SRPRA: variants seen among roughly 807,000 people sequenced by gnomAD.
SRPRA encodes the protein SRP receptor subunit alpha, also known as signal recognition particle receptor subunit alpha.
Under a neutral mutation model 61.1 loss-of-function variants are expected in SRPRA, and 30 were observed. The observed-to-expected ratio is 0.49, with a 90% CI of 0.37 to 0.67. SRPRA has a LOEUF of 0.67. Among genes scored for constraint, SRPRA ranks in the 30% least tolerant of loss-of-function variants. The pLI, the probability that SRPRA is intolerant of heterozygous loss-of-function variation, is 0.00. For synonymous variants in SRPRA, 324 were observed against 299.7 expected (o/e 1.08, Z -0.84); for missense variants, 759 against 828.4 (o/e 0.92, Z 1.03).
chr11:126,249,746 A>AG, the SRPRA span, among the ~76,000 whole-genome samples: 2 of 150,216 alleles, frequency 1.3e-5, no homozygotes, highest in East Asian at 2.0e-4. Context: ...AAAAAAAAAA[A>AG]AAAAAAAAGA....
chr11:126,262,266 T>A, downstream of SRPRA: 1 of 910,194 alleles, frequency 1.1e-6, no homozygotes, highest in Non-Finnish European at 1.8e-6. Flanking sequence ...AAGGGCGGGG[T>A]AGAAGAGGGG....
intron 4 of SRPRA, 75 bp from the exon 5 acceptor site, chr11:126,266,997 A>C (rs1950822578): frequency 5.1e-6 from 8 of 1,557,394 alleles, no homozygotes; most frequent in Non-Finnish European, 6.9e-6. Context: ...AAGTCTTCCA[A>C]ATTGTTCAAA....
chr11:126,252,600 G>A, the SRPRA span, among the ~76,000 whole-genome samples: 2 of 152,036 alleles, frequency 1.3e-5, no homozygotes, highest in Non-Finnish European at 2.9e-5. The surrounding 1 kb of genome is among the most constrained non-coding windows in gnomAD (Gnocchi z 4.7). Flanking sequence ...AAAATTAGCC[G>A]GGCATGGTGG....
At position 126,263,814 on chromosome 11, in the gene SRPRA, CT is replaced by C; in HGVS notation, c.*101del. 23 of 1,519,274 alleles carry C rather than the reference CT, an allele frequency of 1.5e-5. No individual in the cohort carries two copies. The highest frequency in any genetic ancestry group is 2.0e-5 in the Non-Finnish European group (23 of 1,125,686). 94.1% of individuals were successfully genotyped at this position (1,519,274 alleles called of 1,614,324 possible). ...CAAGCCCCCTCACTCTGCCTTTGTA[CT>C]ACACTGAAGACAGGTTGCTCACATA... On this transcript the variant is annotated 3_prime_UTR_variant, in exon 14 of 14. Transcript: ENST00000332118.
the SRPRA span, among the ~76,000 whole-genome samples, chr11:126,237,916 A>AT: frequency 1.0e-4 from 15 of 150,514 alleles, no homozygotes; most frequent in African/African-American, 2.9e-4. Context: ...TTTTCTTTTA[A>AT]TTTTTTTTTC....
At chr11:126,256,718 T>C in the SRPRA span, 24 of 1,614,072 alleles carry the variant, frequency 1.5e-5, no homozygotes, top group Non-Finnish European at 1.9e-5. This position sits in a 1 kb window ranked among gnomAD's most constrained non-coding sequence, Gnocchi z 6.6. Context: ...AGAGGAGACG[T>C]AGATGAGTTC....
At position 126,264,554 on chromosome 11, in the gene SRPRA, T is replaced by A. The variant is rs1442644610; in HGVS notation, c.1526-15A>T. 1.9e-6 allele frequency: 3 copies of A among 1,611,468 alleles called. No individual in the cohort carries two copies. The highest frequency in any genetic ancestry group is 2.7e-5 in the African/African-American group (2 of 74,854). On this transcript the variant is annotated splice_polypyrimidine_tract_variant and intron_variant, in intron 11 of 13. Transcript: ENST00000332118. The surrounding 1 kb of genome is among the most constrained non-coding windows in gnomAD (Gnocchi z 5.0). ...TTGGTTACGTGCTAGAGAAAGAAAG[T>A]AGTCAACTCTGAACACCTGGACTAC...
At position 126,266,627 on chromosome 11, in the gene SRPRA, T is replaced by C. The variant is rs767926999; in HGVS notation, c.689A>G (p.Lys230Arg). Reference sequence around the variant, plus strand: ...CTTTGGAGCATCTGACTTCGTGGACTTGCTGCAACAGGTTATGATACAAAG... The same window carrying C: ...CTTTGGAGCATCTGACTTCGTGGACCTGCTGCAACAGGTTATGATACAAAG... ...KHGRGMEKSN[K>R]STKSDAPKEK... The change falls in exon 6 of 14, where the codon AAG becomes AGG. Residue 230 changes from lysine (K) to arginine (R), a missense_variant and splice_region_variant. Physicochemically the swap from Lys to Arg is conservative, Grantham distance 26. Around this residue, in one of 2 missense-constraint regions of SRPRA, gnomAD observed 475 missense variants for 462.5 expected, o/e 1.03. Transcript: ENST00000332118. The C allele has an allele frequency of 6.2e-7, 1 of 1,613,624 alleles. No individual in the cohort carries two copies. The highest frequency in any genetic ancestry group is 8.5e-7 in the Non-Finnish European group (1 of 1,179,806).
At chr11:126,240,702 G>C in the SRPRA span, 1 of 1,348,646 alleles carries the variant, frequency 7.4e-7, no homozygotes, top group Non-Finnish European at 1.0e-6. Flanking sequence ...ATAAAAGTTA[G>C]CTAAAAACTG....
chr11:126,239,226 G>A, the SRPRA span, among the ~76,000 whole-genome samples: 1 of 151,982 alleles, frequency 6.6e-6, no homozygotes. Context: ...GCCTCCTAAA[G>A]TGCTGAGATT....
At chr11:126,259,688 G>C (rs1565342155), downstream of SRPRA, among the ~76,000 whole-genome samples, 1 of 151,206 alleles carries the variant, frequency 6.6e-6, no homozygotes, top group Non-Finnish European at 1.5e-5. Context: ...GCCTCCCAAA[G>C]TGCTGGGATT....
chr11:126,243,767 G>A, the SRPRA span, among the ~76,000 whole-genome samples: 1 of 151,986 alleles, frequency 6.6e-6, no homozygotes, highest in Non-Finnish European at 1.5e-5. Context: ...AGCTGGGCAT[G>A]GTAGTGCATG....
At position 126,266,609 on chromosome 11, in the gene SRPRA, G is replaced by C; in HGVS notation, c.707C>G (p.Ala236Gly). ...EKSNKSTKSDAPKEKGKKAPR... is the reference protein window; with the variant it reads ...EKSNKSTKSDGPKEKGKKAPR... ...TGCTTTTTTGCCCTTCTCCTTTGGAGCATCTGACTTCGTGGACTTGCTGCA... is the reference window on the plus strand; with the variant it reads ...TGCTTTTTTGCCCTTCTCCTTTGGACCATCTGACTTCGTGGACTTGCTGCA... Residue 236 changes from alanine (A) to glycine (G), a missense_variant, in exon 6 of 14, where the codon GCT becomes GGT. Coordinates refer to ENST00000332118, the MANE Select transcript of SRPRA (RefSeq NM_003139.4). 2.5e-6 allele frequency: 4 copies of C among 1,614,058 alleles called. No individual in the cohort carries two copies. Among genetic ancestry groups the C allele is most frequent in the Non-Finnish European group, 3.4e-6 (4 of 1,179,964 alleles).
At position 126,264,451 on chromosome 11, in the gene SRPRA, G is replaced by C; in HGVS notation, c.1614C>G (p.Leu538=). The C allele has an allele frequency of 6.2e-7, 1 of 1,614,210 alleles. No homozygotes were observed. The highest frequency in any genetic ancestry group is 8.5e-7 in the Non-Finnish European group (1 of 1,180,046). Residue 538 remains leucine (L), a synonymous_variant, in exon 12 of 14, where the codon CTC becomes CTG. Transcript: ENST00000332118. The surrounding 1 kb of genome is among the most constrained non-coding windows in gnomAD (Gnocchi z 5.0). ...NAPLMTALAK[L]ITVNTPDLVL... ...CCAAATCAGGTGTATTGACAGTAAT[G>C]AGTTTGGCCAGGGCAGTCATCAGAG...
Position 126,265,564 on chromosome 11 carries a change from AAC to A in SRPRA, c.1139-126_1139-125del. The A allele has an allele frequency of 7.9e-7, 1 of 1,261,000 alleles. No individual in the cohort carries two copies. The highest frequency in any genetic ancestry group is 1.1e-6 in the Non-Finnish European group (1 of 907,830). The allele number at this position is 1,261,000 out of a possible 1,614,324, so 78.1% of individuals were successfully genotyped here. On this transcript the variant is annotated intron_variant, in intron 9 of 13. Transcript: ENST00000332118. This position sits in a 1 kb window ranked among gnomAD's most constrained non-coding sequence, Gnocchi z 6.3. ...TTAGACTCTTGTCCCAGAAATCCAG[AAC>A]AGACGCACATTACAAGGACTAACTC...
At chr11:126,237,061 C>T in the SRPRA span, among the ~76,000 whole-genome samples, 309 of 149,556 alleles carry the variant, frequency 2.1e-3, 1 homozygote, top group African/African-American at 6.8e-3. Context: ...GGACTACAGG[C>T]GCCCGCCACC....
chr11:126,267,522 T>C lies in SRPRA; in HGVS notation c.365+27A>G, dbSNP rs1168434231. ...AGGTCATCAAATCATGGAAATAAAT[T>C]GATTTTAGAGAAGGCAGGTCTCTCA... On this transcript the variant is annotated intron_variant, in intron 3 of 13. Coordinates refer to ENST00000332118, the MANE Select transcript of SRPRA (RefSeq NM_003139.4). This position sits in a 1 kb window ranked among gnomAD's most constrained non-coding sequence, Gnocchi z 4.2. 1.2e-6 allele frequency: 2 copies of C among 1,612,574 alleles called. No individual in the cohort carries two copies. Among genetic ancestry groups the C allele is most frequent in the South Asian group, 2.2e-5 (2 of 91,030 alleles).
the SRPRA span, among the ~76,000 whole-genome samples, chr11:126,247,875 A>ATCTATATATATATATAGATATACG: frequency 1.4e-5 from 2 of 145,872 alleles, no homozygotes; most frequent in African/African-American, 2.5e-5. Flanking sequence ...AAATATATAT[A>ATCTATATATATATATAGATATACG]TATATCTATA....
chr11:126,242,039 A>T, the SRPRA span, among the ~76,000 whole-genome samples: 2 of 151,898 alleles, frequency 1.3e-5, no homozygotes. Flanking sequence ...AAAAAAAAAA[A>T]AAAAGGAATT....
Sources: gnomAD v4.1 joint callset for allele counts (sites outside exome capture counted in the v4.1 genomes callset) on GRCh38, gnomAD v4.1.1 for gene constraint, gnomAD v4.1.1 regional missense constraint, Gnocchi (gnomAD v3.1) non-coding constraint, MANE v1.5 for transcripts, NCBI Gene and HGNC (gene_info 2026-07-23, HGNC 2026-07-21) for gene names.